The following APBB1IP variants were observed in gnomAD, a reference collection of about 807,000 sequenced individuals.
APBB1IP encodes the protein amyloid beta A4 precursor protein-binding family B member 1-interacting protein.
APBB1IP carries 27 observed loss-of-function variants against 64.9 expected under a neutral mutation model. That is an observed-to-expected ratio of 0.42 (90% CI 0.31 to 0.57). The LOEUF (loss-of-function observed/expected upper bound fraction) is 0.57, where lower values mean the gene tolerates loss of function less well. Among genes scored for constraint, APBB1IP ranks in the 20% least tolerant of loss-of-function variants. The pLI, the probability that APBB1IP is intolerant of heterozygous loss-of-function variation, is 0.20. For synonymous variants in APBB1IP, 392 were observed against 331.0 expected, an observed-to-expected ratio of 1.18 and a Z score of -2.00; for missense variants, 812 against 845.5, an observed-to-expected ratio of 0.96 and a Z score of 0.49.
chr10:26,562,297 C>A, intron 13 of APBB1IP, 29 bp from the exon 14 acceptor site: 1 of 1,524,290 alleles, frequency 6.6e-7, no homozygotes, highest in Non-Finnish European at 9.1e-7. Flanking sequence ...GCTTTGCTCA[C>A]TCTTCTTTTC....
At chr10:26,494,118 T>C (rs1467434419) in intron 3 of APBB1IP, among the ~76,000 whole-genome samples, 1 of 152,132 alleles carries the variant, frequency 6.6e-6, no homozygotes, top group Non-Finnish European at 1.5e-5. Flanking sequence ...AAGAACTAAG[T>C]GGGAGTTATG....
At chr10:26,526,258 A>T (rs1015837237) in intron 8 of APBB1IP, among the ~76,000 whole-genome samples, 1 of 152,222 alleles carries the variant, frequency 6.6e-6, no homozygotes, top group Non-Finnish European at 1.5e-5. Context: ...TGGTAAAGTC[A>T]GTTCATGTAA....
intron 11 of APBB1IP, among the ~76,000 whole-genome samples, chr10:26,542,675 C>T (rs1281262814): frequency 6.6e-6 from 1 of 152,034 alleles, no homozygotes; most frequent in Non-Finnish European, 1.5e-5. Flanking sequence ...ATTACAATCA[C>T]TTATTATAAT....
chr10:26,500,723 C>G, intron 4 of APBB1IP, 96 bp from the exon 5 acceptor site: 1 of 1,166,314 alleles, frequency 8.6e-7, no homozygotes, highest in Non-Finnish European at 1.2e-6. Flanking sequence ...GATAATGATT[C>G]CTTTCTACTC....
At chr10:26,566,876 G>C (rs1285014551) in intron 14 of APBB1IP, 85 bp from the exon 15 acceptor site, 2 of 1,405,216 alleles carry the variant, frequency 1.4e-6, no homozygotes, top group Non-Finnish European at 9.4e-7. Flanking sequence ...GACAGAGTGA[G>C]ACCCCGTCTC....
Position 26,511,838 on chromosome 10 carries a change from T to G in APBB1IP, c.623T>G (p.Phe208Cys). 1 of 1,614,208 alleles carries G rather than the reference T, an allele frequency of 6.2e-7. No individual in the cohort carries two copies. Among genetic ancestry groups the G allele is most frequent in the Non-Finnish European group, 8.5e-7 (1 of 1,180,034 alleles). The part of the protein sequence containing the change: ...QLARDVLDNL[F>C]EKTHCDCNVD... ...GCCCGAGATGTTCTGGACAACCTTT[T>G]CGAGAAAACTCATTGTGACTGCAAT... Residue 208 changes from phenylalanine to cysteine, a missense_variant, in exon 7 of 15, where the codon TTC becomes TGC. Physicochemically the swap from Phe to Cys is radical, Grantham distance 205. Transcript: ENST00000376236.
Position 26,567,131 on chromosome 10 carries a change from C to T in APBB1IP, c.1644C>T (p.Ala548=), listed in dbSNP as rs1441605263. 1 of 1,419,554 alleles carries T rather than the reference C, an allele frequency of 7.0e-7. No individual in the cohort carries two copies. Among genetic ancestry groups the T allele is most frequent in the Non-Finnish European group, 9.1e-7 (1 of 1,097,704 alleles). The allele number at this position is 1,419,554 out of a possible 1,614,324, so 87.9% of individuals were successfully genotyped here. A position where few individuals can be genotyped will look rare whatever the true frequency, so the allele number is the denominator to read the frequency against. The change falls in exon 15 of 15, where the codon GCC becomes GCT. Residue 548 remains alanine, a synonymous_variant. Coordinates refer to ENST00000376236, the MANE Select transcript of APBB1IP (RefSeq NM_019043.4). ...AKGTGGGGLP[A]PPDDFLPPPP... ...GCACAGGCGGCGGGGGCTTGCCCGC[C>T]CCACCCGACGACTTCCTGCCGCCGC... is the stretch of plus-strand genomic sequence containing the variant.
chr10:26,446,346 T>C (rs984803346), intron 2 of APBB1IP, among the ~76,000 whole-genome samples: 2 of 152,230 alleles, frequency 1.3e-5, no homozygotes, highest in African/African-American at 4.8e-5. Context: ...TCATAAACGG[T>C]ATGGCTTAGC....
Position 26,515,017 on chromosome 10 carries a change from G to A in APBB1IP, c.813+1357G>A, listed in dbSNP as rs560149155. 1.3e-4 allele frequency among the ~76,000 whole-genome samples: 19 copies of A among 149,430 alleles called. 1 individual carries two copies. In the South Asian group the frequency reaches 3.0e-3, roughly 23 times the overall value. The stretch of plus-strand genomic sequence containing the variant: ...CTCCCAAGTAGCTGGGACTACAGGC[G>A]CATGACACCACCCCCGGCTAATTTT... On this transcript the variant is annotated intron_variant, in intron 8 of 14. Coordinates refer to ENST00000376236, the MANE Select transcript of APBB1IP (RefSeq NM_019043.4).
chr10:26,521,204 A>G (rs1171605987), intron 8 of APBB1IP, among the ~76,000 whole-genome samples: 5 of 152,168 alleles, frequency 3.3e-5, no homozygotes, highest in African/African-American at 1.2e-4. Context: ...GAGTCTAACT[A>G]TTGAGATTTG....
intron 2 of APBB1IP, among the ~76,000 whole-genome samples, chr10:26,466,197 C>T (rs974799984): frequency 2.2e-4 from 34 of 152,184 alleles, no homozygotes; most frequent in African/African-American, 7.2e-4. Context: ...GTGTCCTGGG[C>T]TTCTACTATC....
intron 8 of APBB1IP, among the ~76,000 whole-genome samples, chr10:26,523,753 G>A (rs1264469057): frequency 6.6e-6 from 1 of 152,010 alleles, no homozygotes; most frequent in Non-Finnish European, 1.5e-5. Flanking sequence ...AGGATCACTT[G>A]AGGCTAGGAG....
chr10:26,459,789 A>G (rs1835569214), intron 2 of APBB1IP, among the ~76,000 whole-genome samples: 1 of 152,040 alleles, frequency 6.6e-6, no homozygotes, highest in African/African-American at 2.4e-5. Flanking sequence ...TTCTCCTTTG[A>G]GAAATTTATT....
At chr10:26,470,711 A>G (rs1324676301) in intron 2 of APBB1IP, among the ~76,000 whole-genome samples, 1 of 152,164 alleles carries the variant, frequency 6.6e-6, no homozygotes, top group Non-Finnish European at 1.5e-5. Flanking sequence ...GGGTTTTTCC[A>G]GACTTAGTCC....
intron 2 of APBB1IP, among the ~76,000 whole-genome samples, chr10:26,480,275 C>G (rs574749988): frequency 1.3e-3 from 195 of 152,282 alleles, no homozygotes; most frequent in African/African-American, 4.5e-3. Flanking sequence ...CCTAGGAACC[C>G]TGACCCAGGT....
intron 8 of APBB1IP, among the ~76,000 whole-genome samples, chr10:26,516,339 A>G (rs1049349893): frequency 2.0e-5 from 3 of 151,714 alleles, no homozygotes; most frequent in Non-Finnish European, 4.4e-5. Context: ...GGATCACTTG[A>G]GGTCAGGAGT....
At chr10:26,509,072 C>G (rs182091029) in intron 6 of APBB1IP, among the ~76,000 whole-genome samples, 69 of 152,328 alleles carry the variant, frequency 4.5e-4, no homozygotes, top group Admixed American at 4.2e-3. Flanking sequence ...CAGCAGAGAG[C>G]AGCAAGTACA....
At chr10:26,516,405 T>C (rs1225054622) in intron 8 of APBB1IP, among the ~76,000 whole-genome samples, 1 of 151,064 alleles carries the variant, frequency 6.6e-6, no homozygotes, top group Admixed American at 6.6e-5. Context: ...TAGCCAGGCA[T>C]GGTGGTGGGC....
chr10:26,474,241 G>A (rs944919814), intron 2 of APBB1IP, among the ~76,000 whole-genome samples: 10 of 152,170 alleles, frequency 6.6e-5, no homozygotes, highest in African/African-American at 2.4e-4. Context: ...TGCCTTCTAA[G>A]CAAAGCCTGG....
Sources: allele counts gnomAD v4.1 joint callset (sites outside exome capture counted in the v4.1 genomes callset), GRCh38; gene constraint gnomAD v4.1.1; transcripts MANE v1.5; gene names NCBI Gene and HGNC (gene_info 2026-07-23, HGNC 2026-07-21).